Variants in UBN1 observed in about 807,000 individuals in gnomAD.
UBN1 encodes the protein ubinuclein 1, also known as ubinuclein-1.
UBN1 carries 17 observed loss-of-function variants against 108.5 expected under a neutral mutation model. The observed-to-expected ratio is 0.16, with a 90% CI of 0.11 to 0.24. UBN1 has a LOEUF of 0.24. Among genes scored for constraint, UBN1 ranks in the 10% least tolerant of loss-of-function variants. UBN1 has a pLI of 1.00. For missense variants in UBN1, 1,595 were observed against 1,394.4 expected (o/e 1.14, Z -2.29); for synonymous variants, 726 against 564.2 (o/e 1.29, Z -4.07).
rs1467437102 is a variant in UBN1, at chr16:4,855,126, T to TGG, written c.249+1960_249+1961insGG. On this transcript the variant is annotated intron_variant, in intron 2 of 17. Transcript: ENST00000262376. Reference sequence around the variant, plus strand: ...TCGCAGCATTGTGGTCTCTAGCATGTCTCTTAGTGAAATGGGGATGAGGCT... The same window carrying TGG: ...TCGCAGCATTGTGGTCTCTAGCATGTGGCTCTTAGTGAAATGGGGATGAGGCT... Among the ~76,000 whole-genome samples, 405 of 151,918 alleles carry TGG rather than the reference T, an allele frequency of 2.7e-3. 1 individual carries two copies. Among genetic ancestry groups the TGG allele is most frequent in the South Asian group, 7.5e-3 (36 of 4,816 alleles).
Position 4,874,311 on chromosome 16 carries a change from T to A in UBN1, c.1901T>A (p.Ile634Asn). 2 of 1,614,184 alleles carry A rather than the reference T, an allele frequency of 1.2e-6. No homozygotes were observed. Among genetic ancestry groups the A allele is most frequent in the South Asian group, 2.2e-5 (2 of 91,088 alleles). ...GATCACCAAACAGGAGGCCTGAGTA[T>A]TGGGGCCTCGAGCAGGGAGCTCCCA... ...PSDHQTGGLS[I>N]GASSRELPSQ... The change falls in exon 15 of 18, where the codon ATT becomes AAT. Residue 634 changes from isoleucine to asparagine, a missense_variant. By Grantham distance (149) the Ile-to-Asn change is moderately radical. This residue lies in a region of UBN1 where 1,398 missense variants were observed against 1,194.7 expected (regional missense o/e 1.17). Coordinates refer to ENST00000262376, the MANE Select transcript of UBN1 (RefSeq NM_001079514.3).
rs202217089 is a variant in UBN1 at position 4,875,393 on chromosome 16, C to T, written c.2983C>T (p.Pro995Ser). Reference protein sequence around the residue: ...AKLLTSPSLKPSAVSSVTSST... With the variant: ...AKLLTSPSLKSSAVSSVTSST... ...GTTGCTGACCTCGCCGTCCCTAAAG[C>T]CCTCTGCAGTTAGTAGTGTGACATC... The change falls in exon 15 of 18, where the codon CCC becomes TCC. Residue 995 changes from proline to serine, a missense_variant. Physicochemically the swap from Pro to Ser is moderately conservative, Grantham distance 74 (BLOSUM62 -1). Transcript: ENST00000262376. The T allele has an allele frequency of 1.6e-5, 26 of 1,613,966 alleles. No individual in the cohort carries two copies. The highest frequency in any genetic ancestry group is 2.2e-5 in the South Asian group (2 of 91,072).
intron 7 of UBN1, among the ~76,000 whole-genome samples, chr16:4,868,161 C>G (rs2087428108): frequency 6.6e-6 from 1 of 152,282 alleles, no homozygotes; most frequent in South Asian, 2.1e-4. Flanking sequence ...CCCGCTGTGT[C>G]GTGGCTGCCT....
At position 4,875,069 on chromosome 16, in the gene UBN1, G is replaced by A. The variant is rs1433738498; in HGVS notation, c.2659G>A (p.Ala887Thr). ...GTCCTCTTCTGCCCTGAGCCATCCA[G>A]CAAAGCCACATTCAGTCAGCTCTGC... ...ASSSSALSHP[A>T]KPHSVSSAGS... The change falls in exon 15 of 18, where the codon GCA (alanine) becomes ACA (threonine). Residue 887 changes from alanine (A) to threonine (T), a missense_variant. This residue lies in a region of UBN1 where 1,398 missense variants were observed against 1,194.7 expected (regional missense o/e 1.17). Coordinates refer to ENST00000262376, the MANE Select transcript of UBN1 (RefSeq NM_001079514.3). The A allele has an allele frequency of 6.2e-7, 1 of 1,613,948 alleles. No homozygotes were observed.
At chr16:4,865,516 T>A (rs898506992) in intron 7 of UBN1, among the ~76,000 whole-genome samples, 3 of 151,672 alleles carry the variant, frequency 2.0e-5, no homozygotes, top group African/African-American at 7.3e-5. Context: ...AAAAAAAATC[T>A]AAAAATTAGT....
intron 3 of UBN1, 129 bp from the exon 4 acceptor site, chr16:4,858,439 T>C: frequency 5.2e-6 from 4 of 766,026 alleles, no homozygotes; most frequent in South Asian, 3.4e-5. Context: ...GGGGTTTGTG[T>C]GTATGTGAGA....
At chr16:4,870,097 C>A (rs45553841) in intron 8 of UBN1, 115 bp from the exon 9 acceptor site, 63,940 of 1,492,824 alleles carry the variant, frequency 0.043, 1,540 homozygotes, top group Admixed American at 0.056. Context: ...GTGTGACCAA[C>A]AAGACAGGGT....
chr16:4,854,464 C>G (rs1265626167), intron 2 of UBN1, among the ~76,000 whole-genome samples: 1 of 151,742 alleles, frequency 6.6e-6, no homozygotes, highest in African/African-American at 2.4e-5. Context: ...CTGCCTCAGC[C>G]TCCCGAGTAG....
At position 4,877,259 on chromosome 16, in the gene UBN1, C is replaced by T. The variant is rs1031244726; in HGVS notation, c.3266-126C>T. The T allele has an allele frequency of 6.6e-6, 10 of 1,511,920 alleles. No individual in the cohort carries two copies. Among genetic ancestry groups the T allele is most frequent in the Non-Finnish European group, 8.0e-6 (9 of 1,126,928 alleles). 93.7% of individuals were successfully genotyped at this position (1,511,920 alleles called of 1,614,324 possible). A position where few individuals can be genotyped will look rare whatever the true frequency, so the allele number is the denominator to read the frequency against. ...GGAACTGTGCCAAGCCCCCACTGCC[C>T]CTTTGGGTGTGGTGCCCAGACTGGC... On this transcript the variant is annotated intron_variant, in intron 16 of 17. Coordinates refer to ENST00000262376, the MANE Select transcript of UBN1 (RefSeq NM_001079514.3). The surrounding 1 kb of genome is among the most constrained non-coding windows in gnomAD (Gnocchi z 4.3).
intron 17 of UBN1, among the ~76,000 whole-genome samples, chr16:4,878,147 A>C (rs1346891057): frequency 6.6e-6 from 1 of 152,160 alleles, no homozygotes; most frequent in East Asian, 1.9e-4. Flanking sequence ...AACTGGGCTC[A>C]GGTGCCCCGG....
Position 4,877,581 on chromosome 16 carries a change from G to A in UBN1, c.3355+107G>A. ...GTCTTGGTGTCTTTGCCTTGACGCT[G>A]TTGTTGTTTTGGTTTGTCCTTTGAG... On this transcript the variant is annotated intron_variant, in intron 17 of 17. Coordinates refer to ENST00000262376, the MANE Select transcript of UBN1 (RefSeq NM_001079514.3). The surrounding 1 kb of genome is among the most constrained non-coding windows in gnomAD (Gnocchi z 4.3). The A allele has an allele frequency of 6.9e-7, 1 of 1,448,572 alleles. No individual in the cohort carries two copies. The highest frequency in any genetic ancestry group is 9.0e-7 in the Non-Finnish European group (1 of 1,105,006). The allele number at this position is 1,448,572 out of a possible 1,614,324, so 89.7% of individuals were successfully genotyped here.
chr16:4,850,672 C>T (rs543496646), intron 1 of UBN1, among the ~76,000 whole-genome samples: 1 of 152,192 alleles, frequency 6.6e-6, no homozygotes, highest in Non-Finnish European at 1.5e-5. Context: ...ATTATTTTAA[C>T]TCTTCATTTG....
intron 1 of UBN1, among the ~76,000 whole-genome samples, chr16:4,849,484 A>ATG (rs986988188): frequency 2.0e-5 from 3 of 152,156 alleles, no homozygotes; most frequent in African/African-American, 7.2e-5. Context: ...AGATATATAT[A>ATG]TATATAGTAA....
intron 1 of UBN1, 188 bp from the exon 2 acceptor site, chr16:4,852,691 A>G (rs1228723616): frequency 5.8e-6 from 3 of 515,440 alleles, no homozygotes; most frequent in Non-Finnish European, 1.0e-5. Context: ...TATGCTAAGC[A>G]GTGACTATCT....
chr16:4,869,284 C>G (rs781277768), intron 8 of UBN1, among the ~76,000 whole-genome samples: 3 of 152,214 alleles, frequency 2.0e-5, no homozygotes, highest in Non-Finnish European at 2.9e-5. Context: ...CGGGCCTGCT[C>G]TGCCTTGGGT....
At position 4,869,452 on chromosome 16, in the gene UBN1, C is replaced by G. The variant is rs558868384; in HGVS notation, c.1181+549C>G. On this transcript the variant is annotated intron_variant, in intron 8 of 17. Coordinates refer to ENST00000262376, the MANE Select transcript of UBN1 (RefSeq NM_001079514.3). The stretch of plus-strand genomic sequence containing the variant: ...ATGAGCAAACATTTGTAAATCCAGA[C>G]TGGGAAAAGTGAATCCTTGTGGCCT... Among the ~76,000 whole-genome samples, 8 of 152,358 alleles carry G rather than the reference C, an allele frequency of 5.3e-5. No individual in the cohort carries two copies. The South Asian group carries it at 1.7e-3, about 32-fold the overall frequency.
In UBN1 at chr16:4,880,146, A is replaced by G; in HGVS notation, c.*14A>G. 1 of 1,613,948 alleles carries G rather than the reference A, an allele frequency of 6.2e-7. No individual in the cohort carries two copies. Among genetic ancestry groups the G allele is most frequent in the Middle Eastern group, 1.6e-4 (1 of 6,062 alleles). ...CGGAAATTGTGACCGCTTCAGAGGC[A>G]AGGCTTGCCACTTGGGTCTGGGTGG... is the stretch of plus-strand genomic sequence containing the variant. On this transcript the variant is annotated 3_prime_UTR_variant, in exon 18 of 18. Transcript: ENST00000262376.
rs1475585818 is a variant in UBN1, at chr16:4,880,834, G to A, written c.*702G>A. On this transcript the variant is annotated 3_prime_UTR_variant, in exon 18 of 18. Transcript: ENST00000262376. ...TACCATTAAATGCATTGGATAGAAG[G>A]GGACTGTTCTTCACACATCATATTA... is the stretch of plus-strand genomic sequence containing the variant. 2 of 152,586 alleles carry A rather than the reference G, an allele frequency of 1.3e-5. No homozygotes were observed. The highest frequency in any genetic ancestry group is 2.9e-5 in the Non-Finnish European group (2 of 68,154). 9.5% of individuals were successfully genotyped at this position (152,586 alleles called of 1,614,324 possible).
intron 7 of UBN1, among the ~76,000 whole-genome samples, chr16:4,865,167 A>G (rs970278813): frequency 1.3e-5 from 2 of 151,742 alleles, no homozygotes; most frequent in South Asian, 2.1e-4. Flanking sequence ...TTGGAAGACT[A>G]TCAGATATAT....
Sources: gnomAD v4.1 joint callset for allele counts (sites outside exome capture counted in the v4.1 genomes callset) on GRCh38, gnomAD v4.1.1 for gene constraint, gnomAD v4.1.1 regional missense constraint, Gnocchi (gnomAD v3.1) non-coding constraint, MANE v1.5 for transcripts, NCBI Gene and HGNC (gene_info 2026-07-23, HGNC 2026-07-21) for gene names.